The following RBFOX3 variants were observed in gnomAD, a reference collection of about 807,000 sequenced individuals.
RBFOX3 encodes RNA binding protein fox-1 homolog 3.
In RBFOX3, 17 loss-of-function variants were observed where a neutral mutation model predicts 48.7. The ratio of observed to expected loss-of-function variants is 0.35; its 90% CI spans 0.24 to 0.52. RBFOX3 has a LOEUF of 0.52. Ranked by LOEUF, RBFOX3 falls within the 20% of genes least tolerant of loss-of-function variation. The pLI, the probability that RBFOX3 is intolerant of heterozygous loss-of-function variation, is 0.94. For missense variants in RBFOX3, 382 were observed against 497.5 expected (o/e 0.77, Z 2.21); for synonymous variants, 212 against 209.5 (o/e 1.01, Z -0.10).
intron 4 of RBFOX3, among the ~76,000 whole-genome samples, chr17:79,215,228 C>CGGCCCT (rs1555611393): frequency 9.2e-5 from 14 of 152,196 alleles, no homozygotes; most frequent in African/African-American, 3.4e-4. Flanking sequence ...CTGCATGCTG[C>CGGCCCT]CGCCCTCGTG....
intron 2 of RBFOX3, among the ~76,000 whole-genome samples, chr17:79,308,466 C>G (rs1470688232): frequency 6.6e-6 from 1 of 152,166 alleles, no homozygotes; most frequent in Non-Finnish European, 1.5e-5. Flanking sequence ...CTCTGGCCAC[C>G]AGGCCTCCCT....
intron 4 of RBFOX3, among the ~76,000 whole-genome samples, chr17:79,147,751 C>T (rs369777644): frequency 3.3e-5 from 5 of 152,210 alleles, no homozygotes; most frequent in Middle Eastern, 3.2e-3. Context: ...GCAGGCTCTG[C>T]GCCCCTGGTG....
chr17:79,609,412 A>G (rs1157145332), intron 1 of RBFOX3, among the ~76,000 whole-genome samples: 1 of 152,162 alleles, frequency 6.6e-6, no homozygotes, highest in Non-Finnish European at 1.5e-5. Context: ...CAGCTGGGGC[A>G]GGAAGGGGGA....
the RBFOX3 span, among the ~76,000 whole-genome samples, chr17:79,648,978 CTTT>C: frequency 1.7e-3 from 223 of 133,208 alleles, no homozygotes; most frequent in African/African-American, 5.7e-3. Context: ...TGAAAAATGT[CTTT>C]TTTTTTTTTT....
At chr17:79,352,692 T>A (rs566514924) in intron 2 of RBFOX3, among the ~76,000 whole-genome samples, 1 of 152,266 alleles carries the variant, frequency 6.6e-6, no homozygotes, top group African/African-American at 2.4e-5. Context: ...TTCCCTTACA[T>A]CCACAGTGAG....
In RBFOX3 at chr17:79,473,302, G is replaced by T. The variant is rs887144802; in HGVS notation, c.-175+9152C>A. Among the ~76,000 whole-genome samples the T allele has an allele frequency of 3.3e-5, 5 of 152,210 alleles. 1 individual carries two copies. The South Asian group carries it at 8.3e-4, about 25-fold the overall frequency. ...GACGTGTCCTCAGCCTGTTGCTAGGGAGCTGCTGTGGGTTTGAATTCTGTA... is the reference window on the plus strand; with the variant it reads ...GACGTGTCCTCAGCCTGTTGCTAGGTAGCTGCTGTGGGTTTGAATTCTGTA... On this transcript the variant is annotated intron_variant, in intron 2 of 14. Transcript: ENST00000693108. The surrounding 1 kb of genome is among the most constrained non-coding windows in gnomAD (Gnocchi z 4.2).
At chr17:79,433,558 T>C (rs1359817927) in intron 2 of RBFOX3, among the ~76,000 whole-genome samples, 1 of 152,202 alleles carries the variant, frequency 6.6e-6, no homozygotes, top group Non-Finnish European at 1.5e-5. Flanking sequence ...CTCTTGGACC[T>C]CTGTCGTGGC....
chr17:79,381,097 T>C (rs1049525041), intron 2 of RBFOX3, among the ~76,000 whole-genome samples: 1 of 152,106 alleles, frequency 6.6e-6, no homozygotes, highest in African/African-American at 2.4e-5. Context: ...CCGTTTCTAC[T>C]GAAATTACAA....
chr17:79,169,571 G>C (rs925116960), intron 4 of RBFOX3, among the ~76,000 whole-genome samples: 1 of 152,208 alleles, frequency 6.6e-6, no homozygotes, highest in African/African-American at 2.4e-5. Flanking sequence ...ATGGGACCCT[G>C]CACACTGCAG....
At chr17:79,114,060 C>T (rs1366656927) in intron 5 of RBFOX3, among the ~76,000 whole-genome samples, 1 of 152,164 alleles carries the variant, frequency 6.6e-6, no homozygotes, top group South Asian at 2.1e-4. Context: ...TGAGAGACCC[C>T]CTCGTCTGTC....
At chr17:79,309,455 G>A (rs1304818966) in intron 2 of RBFOX3, among the ~76,000 whole-genome samples, 2 of 152,054 alleles carry the variant, frequency 1.3e-5, no homozygotes, top group Admixed American at 1.3e-4. Flanking sequence ...CACCCATGGG[G>A]GCCTTCTGGT....
intron 2 of RBFOX3, among the ~76,000 whole-genome samples, chr17:79,337,571 T>C (rs574884979): frequency 6.6e-6 from 1 of 152,102 alleles, no homozygotes; most frequent in Non-Finnish European, 1.5e-5. Flanking sequence ...AAGTTAGGAG[T>C]TCGAGACCAG....
intron 1 of RBFOX3, among the ~76,000 whole-genome samples, chr17:79,505,924 G>A (rs2083048708): frequency 6.6e-6 from 1 of 152,180 alleles, no homozygotes. Context: ...TATAGCTGAG[G>A]AAGCAAAGGC....
intron 3 of RBFOX3, among the ~76,000 whole-genome samples, chr17:79,253,884 C>T (rs918817520): frequency 5.3e-5 from 8 of 152,222 alleles, no homozygotes; most frequent in South Asian, 2.1e-4. Context: ...GGGATTACCA[C>T]GGAGGAAGCT....
rs201972518 is a variant in RBFOX3 at position 79,214,358 on chromosome 17, TCTC to T, written c.-34+21405_-34+21407del. On this transcript the variant is annotated intron_variant, in intron 4 of 14. Coordinates refer to ENST00000693108, the MANE Select transcript of RBFOX3 (RefSeq NM_001350451.2). The surrounding 1 kb of genome is among the most constrained non-coding windows in gnomAD (Gnocchi z 4.7). ...AGGTGCCTCATGGAGGAAAGCCCTG[TCTC>T]CTCATTAATTAGACAAGCCCTCCCG... is the stretch of plus-strand genomic sequence containing the variant. Among the ~76,000 whole-genome samples, 181 of 152,300 alleles carry T rather than the reference TCTC, an allele frequency of 1.2e-3. No individual in the cohort carries two copies. The highest frequency in any genetic ancestry group is 4.2e-3 in the African/African-American group (174 of 41,566).
chr17:79,158,109 T>A (rs2046221993), intron 4 of RBFOX3, among the ~76,000 whole-genome samples: 2 of 148,652 alleles, frequency 1.3e-5, no homozygotes. Context: ...GAAGAGGCGA[T>A]TAGGACATAG....
intron 1 of RBFOX3, among the ~76,000 whole-genome samples, chr17:79,560,438 C>T (rs1406338397): frequency 7.2e-5 from 11 of 152,208 alleles, no homozygotes; most frequent in African/African-American, 2.4e-4. Context: ...TTTACTTCTC[C>T]TTGACTGTAG....
Position 79,106,635 on chromosome 17 carries a change from G to A in RBFOX3, c.360+16C>T, listed in dbSNP as rs550827396. 6,791 of 1,448,642 alleles carry A rather than the reference G, an allele frequency of 4.7e-3. 20 individuals are homozygous for A. The highest frequency in any genetic ancestry group is 5.6e-3 in the Non-Finnish European group (6,140 of 1,105,110). 89.7% of individuals were successfully genotyped at this position (1,448,642 alleles called of 1,614,324 possible). ...CAGGTGTGGAGGGCAGGATGGGTGG[G>A]GCCGCGCACACTCACCCCGAACATT... On this transcript the variant is annotated intron_variant, in intron 6 of 14. Coordinates refer to ENST00000693108, the MANE Select transcript of RBFOX3 (RefSeq NM_001350451.2).
intron 1 of RBFOX3, among the ~76,000 whole-genome samples, chr17:79,584,621 G>A (rs1017287680): frequency 3.3e-5 from 5 of 152,236 alleles, no homozygotes; most frequent in African/African-American, 9.6e-5. Context: ...CATTCACAGC[G>A]ACGTGGATGG....
Sources: allele counts gnomAD v4.1 joint callset (sites outside exome capture counted in the v4.1 genomes callset), GRCh38; gene constraint gnomAD v4.1.1; non-coding constraint Gnocchi (gnomAD v3.1); transcripts MANE v1.5; gene names NCBI Gene and HGNC (gene_info 2026-07-23, HGNC 2026-07-21).